The following KRABD3 variants were observed in gnomAD, a reference collection of about 807,000 sequenced individuals.
The protein encoded by KRABD3 is KRAB domain-containing protein 3.
the KRABD3 span, chr7:149,719,576 C>A: frequency 1.2e-6 from 2 of 1,603,160 alleles, no homozygotes; most frequent in South Asian, 1.1e-5. The surrounding 1 kb of genome is among the most constrained non-coding windows in gnomAD (Gnocchi z 5.6). Context: ...CTTGGCCGTG[C>A]GGTTCTCGGA....
the KRABD3 span, chr7:149,729,369 G>C: frequency 6.8e-7 from 1 of 1,476,398 alleles, no homozygotes. Context: ...GGCTCCCAGA[G>C]GGTGAGCTGG....
chr7:149,733,158 AG>A, the KRABD3 span: 1 of 1,537,272 alleles, frequency 6.5e-7, no homozygotes, highest in Non-Finnish European at 8.8e-7. Context: ...GGGGAGAGAA[AG>A]GTCCTTACAA....
the KRABD3 span, chr7:149,720,952 G>T: frequency 6.2e-7 from 1 of 1,613,712 alleles, no homozygotes; most frequent in Non-Finnish European, 8.5e-7. Context: ...AGCGAGAGCC[G>T]GGGAGCCAGC....
the KRABD3 span, chr7:149,719,523 C>G: frequency 1.3e-6 from 2 of 1,538,860 alleles, no homozygotes; most frequent in Non-Finnish European, 1.7e-6. The surrounding 1 kb of genome is among the most constrained non-coding windows in gnomAD (Gnocchi z 5.6). Flanking sequence ...AACAACCAAC[C>G]CCCCCGGAGA....
chr7:149,721,788 T>C, the KRABD3 span: 1 of 654,752 alleles, frequency 1.5e-6, no homozygotes, highest in Non-Finnish European at 2.8e-6. Context: ...GAGCACTTTG[T>C]ACACAGAAAG....
At chr7:149,723,959 A>G in the KRABD3 span, 1 of 1,535,458 alleles carries the variant, frequency 6.5e-7, no homozygotes, top group African/African-American at 1.4e-5. Flanking sequence ...GCAGGGCTGT[A>G]GGTGGCCCCC....
the KRABD3 span, chr7:149,726,158 C>T: frequency 4.4e-5 from 49 of 1,117,246 alleles, no homozygotes; most frequent in African/African-American, 5.8e-4. Flanking sequence ...CCCCCATGCC[C>T]GTGCTGGGAG....
chr7:149,733,973 G>A, the KRABD3 span: 6 of 1,608,462 alleles, frequency 3.7e-6, no homozygotes, highest in Non-Finnish European at 5.1e-6. Context: ...CAGCCTGCTG[G>A]GAGGAGTGCA....
the KRABD3 span, chr7:149,723,557 C>A: frequency 1.6e-6 from 1 of 606,466 alleles, no homozygotes; most frequent in Non-Finnish European, 2.8e-6. Context: ...TCCCTCTTTG[C>A]CCTGTCCGGT....
the KRABD3 span, chr7:149,719,474 C>T: frequency 6.7e-7 from 1 of 1,484,000 alleles, no homozygotes; most frequent in Non-Finnish European, 8.9e-7. This position sits in a 1 kb window ranked among gnomAD's most constrained non-coding sequence, Gnocchi z 5.6. Flanking sequence ...GGTGGGGTTA[C>T]CAAGTGCAGG....
chr7:149,722,493 ACCCATAG>A, the KRABD3 span: 1 of 935,744 alleles, frequency 1.1e-6, no homozygotes, highest in South Asian at 1.3e-5. Flanking sequence ...CAGCCCTCCC[ACCCATAG>A]CCCCAGCAGG....
At chr7:149,731,546 T>G in the KRABD3 span, 5 of 803,226 alleles carry the variant, frequency 6.2e-6, no homozygotes, top group Non-Finnish European at 1.0e-5. Context: ...GGGCCAAGTT[T>G]CCGTCTTCTA....
chr7:149,733,620 G>A, the KRABD3 span: 87 of 1,593,748 alleles, frequency 5.5e-5, no homozygotes, highest in South Asian at 2.6e-4. Flanking sequence ...AAGATCCTGC[G>A]TGGCCAGGGA....
chr7:149,722,498 T>C, the KRABD3 span: 1 of 814,590 alleles, frequency 1.2e-6, no homozygotes, highest in Non-Finnish European at 2.0e-6. Context: ...CTCCCACCCA[T>C]AGCCCCAGCA....
At chr7:149,724,244 G>A in the KRABD3 span, among the ~76,000 whole-genome samples, 1 of 152,200 alleles carries the variant, frequency 6.6e-6, no homozygotes. Flanking sequence ...TCTGCCATGT[G>A]TGTGAGAGCT....
the KRABD3 span, chr7:149,719,641 G>T: frequency 6.2e-7 from 1 of 1,609,060 alleles, no homozygotes. The surrounding 1 kb of genome is among the most constrained non-coding windows in gnomAD (Gnocchi z 5.6). Flanking sequence ...GAGACGTGAT[G>T]CGGGAGAACT....
chr7:149,722,480 G>A, the KRABD3 span: 1 of 1,528,736 alleles, frequency 6.5e-7, no homozygotes, highest in Non-Finnish European at 9.0e-7. Context: ...TGGGCGGGGA[G>A]CCCAGCCCTC....
the KRABD3 span, chr7:149,733,478 C>T: frequency 2.5e-6 from 4 of 1,580,506 alleles, no homozygotes; most frequent in Non-Finnish European, 3.4e-6. Flanking sequence ...GGGGAGGCGC[C>T]CCCAAGGCCC....
chr7:149,719,659 G>T, the KRABD3 span: 13 of 1,607,122 alleles, frequency 8.1e-6, no homozygotes, highest in Non-Finnish European at 9.3e-6. The surrounding 1 kb of genome is among the most constrained non-coding windows in gnomAD (Gnocchi z 5.6). Flanking sequence ...ACTACGAGAC[G>T]CTGGTCTCTG....
Sources: gnomAD v4.1 joint callset for allele counts (sites outside exome capture counted in the v4.1 genomes callset) on GRCh38, gnomAD v4.1.1 for gene constraint, Gnocchi (gnomAD v3.1) non-coding constraint, MANE v1.5 for transcripts, NCBI Gene and HGNC (gene_info 2026-07-23, HGNC 2026-07-21) for gene names.